Variants in OLFM2 observed in about 807,000 individuals in gnomAD.
OLFM2 encodes olfactomedin 2, also known as noelin-2.
Under a neutral mutation model 43.9 loss-of-function variants are expected in OLFM2, and 20 were observed. That is an observed-to-expected ratio of 0.46 (90% CI 0.32 to 0.66). OLFM2 has a LOEUF of 0.66. OLFM2 is among the 30% of genes least tolerant of loss of function. The pLI is 0.04. For missense variants in OLFM2, 416 were observed against 643.6 expected (o/e 0.65, Z 3.83); for synonymous variants, 268 against 278.6 (o/e 0.96, Z 0.38).
At chr19:9,891,008 C>T (rs1018219281) in intron 1 of OLFM2, among the ~76,000 whole-genome samples, 1 of 151,552 alleles carries the variant, frequency 6.6e-6, no homozygotes, top group African/African-American at 2.4e-5. Flanking sequence ...AGTCTTCCCT[C>T]AGCAACCGCA....
intron 1 of OLFM2, among the ~76,000 whole-genome samples, chr19:9,927,237 G>A (rs1312971062): frequency 5.3e-5 from 8 of 151,810 alleles, no homozygotes; most frequent in Admixed American, 2.0e-4. Flanking sequence ...AGCTGAGATC[G>A]CACCACTGCA....
intron 1 of OLFM2, among the ~76,000 whole-genome samples, chr19:9,913,132 G>A (rs944072747): frequency 1.3e-5 from 2 of 152,058 alleles, no homozygotes; most frequent in Non-Finnish European, 1.5e-5. Context: ...CACTCAGCCC[G>A]GACTCAGCTC....
intron 1 of OLFM2, among the ~76,000 whole-genome samples, chr19:9,872,851 CATCCATCCATCT>C (rs1180378876): frequency 6.6e-6 from 1 of 151,938 alleles, no homozygotes; most frequent in East Asian, 1.9e-4. Context: ...CATTTATATA[CATCCATCCATCT>C]ATCCATCCAT....
At chr19:9,876,834 G>A (rs1480708828) in intron 1 of OLFM2, among the ~76,000 whole-genome samples, 1 of 152,162 alleles carries the variant, frequency 6.6e-6, no homozygotes. Flanking sequence ...TGGTTTGAAT[G>A]TGTCCCCGCA....
chr19:9,900,978 GGAA>G (rs2046728561), intron 1 of OLFM2, among the ~76,000 whole-genome samples: 1 of 50,682 alleles, frequency 2.0e-5, no homozygotes, highest in African/African-American at 1.5e-4. Flanking sequence ...AAGGAAGGAA[GGAA>G]GGAAGGAAGG....
chr19:9,856,493 G>A lies in OLFM2; in HGVS notation c.687+314C>T, dbSNP rs1375182119. On this transcript the variant is annotated intron_variant, in intron 5 of 5. Transcript: ENST00000264833. The surrounding 1 kb of genome is among the most constrained non-coding windows in gnomAD (Gnocchi z 4.0). ...CACTGAGCAGTGCTTGGTGGAAGAG[G>A]TCTCTTGTCCTTGGGAGGGCATTGG... Among the ~76,000 whole-genome samples, 1 of 152,212 alleles carries A rather than the reference G, an allele frequency of 6.6e-6. No homozygotes were observed. Among genetic ancestry groups the A allele is most frequent in the Admixed American group, 6.5e-5 (1 of 15,278 alleles).
Position 9,856,595 on chromosome 19 carries a change from A to G in OLFM2, c.687+212T>C, listed in dbSNP as rs2046319598. Reference sequence around the variant, plus strand: ...ACTCAGTAACCATTAGCCACTATACAGACACTGGAGGTCAACAGAGTGGGA... The same window carrying G: ...ACTCAGTAACCATTAGCCACTATACGGACACTGGAGGTCAACAGAGTGGGA... On this transcript the variant is annotated intron_variant, in intron 5 of 5. Transcript: ENST00000264833. This position sits in a 1 kb window ranked among gnomAD's most constrained non-coding sequence, Gnocchi z 4.0. Among the ~76,000 whole-genome samples, 1 of 152,254 alleles carries G rather than the reference A, an allele frequency of 6.6e-6. No individual in the cohort carries two copies. Among genetic ancestry groups the G allele is most frequent in the Non-Finnish European group, 1.5e-5 (1 of 68,044 alleles).
chr19:9,919,548 T>A (rs1017086829), intron 1 of OLFM2, among the ~76,000 whole-genome samples: 1 of 151,726 alleles, frequency 6.6e-6, no homozygotes, highest in Non-Finnish European at 1.5e-5. Context: ...AGTGGCCTGA[T>A]CTTGGCTCAC....
chr19:9,916,336 G>A (rs937684000), intron 1 of OLFM2, among the ~76,000 whole-genome samples: 4 of 152,120 alleles, frequency 2.6e-5, no homozygotes, highest in African/African-American at 4.8e-5. Flanking sequence ...CAGCCTGGGC[G>A]ACAGACGAGT....
chr19:9,860,198 C>G (rs1436167043), intron 2 of OLFM2, among the ~76,000 whole-genome samples: 1 of 151,562 alleles, frequency 6.6e-6, no homozygotes, highest in Non-Finnish European at 1.5e-5. Context: ...AAGTATCCAT[C>G]TGGGCATGGT....
chr19:9,857,371 C>G lies in OLFM2; in HGVS notation c.472G>C (p.Gly158Arg). ...RLREEVRNLSGSLAAIQEEMG... is the reference protein window; with the variant it reads ...RLREEVRNLSRSLAAIQEEMG... ...TCCTCCTGAATGGCCGCCAGACTGC[C>G]GGAGAGATTCCTCACCTCCTCCCGC... The change falls in exon 4 of 6, where the codon GGC becomes CGC. Residue 158 changes from glycine (G) to arginine (R), a missense_variant. Physicochemically the swap from Gly to Arg is moderately radical, Grantham distance 125. Transcript: ENST00000264833. This position sits in a 1 kb window ranked among gnomAD's most constrained non-coding sequence, Gnocchi z 5.7. 6.2e-7 allele frequency: 1 copy of G among 1,614,182 alleles called. No homozygotes were observed.
rs76632148 is a variant in OLFM2 at position 9,917,764 on chromosome 19, C to T, written c.63+18540G>A. On this transcript the variant is annotated intron_variant, in intron 1 of 5. Coordinates refer to ENST00000264833, the MANE Select transcript of OLFM2 (RefSeq NM_058164.4). ...CCTCTCTGAAACACGTAGTTTGTTT[C>T]CCTAACAAGACCCTCAGTGATATGG... 2.0e-5 allele frequency among the ~76,000 whole-genome samples: 3 copies of T among 147,318 alleles called. No homozygotes were observed. The East Asian group carries it at 6.1e-4, about 30-fold the overall frequency.
chr19:9,910,869 ATGAG>A (rs1414452913), intron 1 of OLFM2, among the ~76,000 whole-genome samples: 1 of 152,162 alleles, frequency 6.6e-6, no homozygotes, highest in Non-Finnish European at 1.5e-5. Context: ...GGGTGGGTGT[ATGAG>A]TGAATGGATG....
intron 1 of OLFM2, among the ~76,000 whole-genome samples, chr19:9,865,478 G>GT (rs2046393866): frequency 1.8e-4 from 18 of 99,174 alleles, no homozygotes; most frequent in African/African-American, 7.0e-4. Context: ...TTACCTCTCT[G>GT]TTTTTTCTTT....
In OLFM2 at chr19:9,854,955, CTAAG is replaced by C; in HGVS notation, c.688-96_688-93del. 1.0e-6 allele frequency: 1 copy of C among 987,592 alleles called. No individual in the cohort carries two copies. The highest frequency in any genetic ancestry group is 2.8e-5 in the Admixed American group (1 of 35,328). 61.2% of individuals were successfully genotyped at this position (987,592 alleles called of 1,614,324 possible). A position where few individuals can be genotyped will look rare whatever the true frequency, so the allele number is the denominator to read the frequency against. On this transcript the variant is annotated intron_variant, in intron 5 of 5. Transcript: ENST00000264833. The surrounding 1 kb of genome is among the most constrained non-coding windows in gnomAD (Gnocchi z 9.5). The stretch of plus-strand genomic sequence containing the variant: ...TACAGCCATTAGAGTTCAACAGTCA[CTAAG>C]TGGTCATTAGTCATGGGAACTCTGT...
chr19:9,900,695 C>CG (rs1262512890), intron 1 of OLFM2, among the ~76,000 whole-genome samples: 7 of 151,134 alleles, frequency 4.6e-5, no homozygotes, highest in African/African-American at 1.7e-4. Context: ...GTTTGAGACC[C>CG]GCTCGGACAA....
At chr19:9,880,013 G>A (rs2046526048) in intron 1 of OLFM2, among the ~76,000 whole-genome samples, 1 of 152,128 alleles carries the variant, frequency 6.6e-6, no homozygotes, top group Admixed American at 6.5e-5. Flanking sequence ...CTGACCTCAG[G>A]TGATCTGCCC....
At position 9,859,299 on chromosome 19, in the gene OLFM2, T is replaced by C. The variant is rs551318424; in HGVS notation, c.213+1346A>G. Among the ~76,000 whole-genome samples the C allele has an allele frequency of 3.8e-5, 5 of 133,264 alleles. No homozygotes were observed. In the East Asian group the frequency reaches 6.1e-4, roughly 16 times the overall value. The allele number at this position is 133,264 out of a possible 152,430, so 87.4% of individuals were successfully genotyped here. On this transcript the variant is annotated intron_variant, in intron 2 of 5. Coordinates refer to ENST00000264833, the MANE Select transcript of OLFM2 (RefSeq NM_058164.4). ...TGGGAAATTCCAGAAATCAACAATT[T>C]GTAAGTTTTATTTATTTATTTATTT...
At chr19:9,918,814 G>A (rs1806109592) in intron 1 of OLFM2, among the ~76,000 whole-genome samples, 1 of 152,190 alleles carries the variant, frequency 6.6e-6, no homozygotes, top group Admixed American at 6.6e-5. Flanking sequence ...TCCAGGGACA[G>A]CAAATCAATA....
Sources: allele counts gnomAD v4.1 joint callset (sites outside exome capture counted in the v4.1 genomes callset), GRCh38; gene constraint gnomAD v4.1.1; non-coding constraint Gnocchi (gnomAD v3.1); transcripts MANE v1.5; gene names NCBI Gene and HGNC (gene_info 2026-07-23, HGNC 2026-07-21).